Variants in PJA2 observed in about 807,000 individuals in gnomAD.
The protein encoded by PJA2 is E3 ubiquitin-protein ligase Praja-2.
In PJA2, 25 loss-of-function variants were observed where a neutral mutation model predicts 69.3. That is an observed-to-expected ratio of 0.36 (90% CI 0.26 to 0.50). The LOEUF is 0.50. Among genes scored for constraint, PJA2 ranks in the 20% least tolerant of loss-of-function variants. The pLI is 0.96. For synonymous variants in PJA2, 308 were observed against 277.8 expected (o/e 1.11, Z -1.08); for missense variants, 809 against 830.2 (o/e 0.97, Z 0.31).
intron 5 of PJA2, among the ~76,000 whole-genome samples, chr5:109,367,970 C>G (rs908510045): frequency 1.3e-5 from 2 of 152,306 alleles, no homozygotes; most frequent in African/African-American, 4.8e-5. Context: ...TCTATGGCTA[C>G]TTTTATACTG....
intron 5 of PJA2, among the ~76,000 whole-genome samples, chr5:109,366,599 A>G (rs1474255136): frequency 6.6e-6 from 1 of 152,146 alleles, no homozygotes; most frequent in Non-Finnish European, 1.5e-5. Context: ...TAATCATCAC[A>G]TGTGTAATGT....
At chr5:109,367,544 GAATA>G (rs1425421019) in intron 5 of PJA2, among the ~76,000 whole-genome samples, 1 of 146,420 alleles carries the variant, frequency 6.8e-6, no homozygotes, top group African/African-American at 2.5e-5. Context: ...AACTTTAAAG[GAATA>G]AATAAGCTAT....
At chr5:109,409,048 C>T (rs983518771) in intron 1 of PJA2, 14 of 152,078 alleles carry the variant, frequency 9.2e-5, no homozygotes, top group African/African-American at 2.9e-4. Context: ...AGATTACTCT[C>T]CTCCCTGCAA....
chr5:109,375,745 C>T (rs1324675815), intron 4 of PJA2, among the ~76,000 whole-genome samples: 1 of 152,078 alleles, frequency 6.6e-6, no homozygotes, highest in Non-Finnish European at 1.5e-5. Flanking sequence ...TCTACAAATA[C>T]AAGAACTAGG....
At chr5:109,372,905 CAAAAAAAAAAAAAAAAAAAAAGAAAGAAA>C (rs1762698442) in intron 4 of PJA2, among the ~76,000 whole-genome samples, 1 of 35,700 alleles carries the variant, frequency 2.8e-5, no homozygotes, top group Non-Finnish European at 5.8e-5. Context: ...CACTCCGTCT[CAAAAAAAAAAAAAAAAAAAAAGAAAGAAA>C]GAAAAAAAAA....
chr5:109,404,193 C>T (rs763890034), intron 1 of PJA2, among the ~76,000 whole-genome samples: 14 of 152,028 alleles, frequency 9.2e-5, no homozygotes, highest in Non-Finnish European at 1.6e-4. Flanking sequence ...CTATAACAAG[C>T]TCCCATAGAC....
At chr5:109,386,095 AC>A (rs1328992226) in intron 1 of PJA2, among the ~76,000 whole-genome samples, 1 of 151,198 alleles carries the variant, frequency 6.6e-6, no homozygotes, top group East Asian at 2.0e-4. Context: ...GCAAGCAATC[AC>A]CTGAGGTCAG....
rs540356291 is a variant in PJA2 at position 109,401,778 on chromosome 5, G to A, written c.-88+8064C>T. 2.6e-5 allele frequency among the ~76,000 whole-genome samples: 4 copies of A among 152,222 alleles called. No individual in the cohort carries two copies. The East Asian group carries it at 7.7e-4, about 29-fold the overall frequency. On this transcript the variant is annotated intron_variant, in intron 1 of 9. Transcript: ENST00000361189. ...CAGAAAGAATAAGCACTGGAAAAGAGGCCACTATAACACAGAAAATCAATT... is the reference window on the plus strand; with the variant it reads ...CAGAAAGAATAAGCACTGGAAAAGAAGCCACTATAACACAGAAAATCAATT...
At chr5:109,400,808 T>A (rs868217851) in intron 1 of PJA2, among the ~76,000 whole-genome samples, 6 of 151,380 alleles carry the variant, frequency 4.0e-5, no homozygotes, top group South Asian at 2.1e-4. Flanking sequence ...TGAAACCCCG[T>A]CTCTACTAAA....
chr5:109,394,111 A>C (rs1747350780), intron 1 of PJA2, among the ~76,000 whole-genome samples: 1 of 135,156 alleles, frequency 7.4e-6, no homozygotes, highest in Non-Finnish European at 1.5e-5. Flanking sequence ...GCAGTAGCGC[A>C]ATCTTGGCTC....
At position 109,381,677 on chromosome 5, in the gene PJA2, C is replaced by T. The variant is rs377546201; in HGVS notation, c.58G>A (p.Val20Ile). 3 of 1,613,754 alleles carry T rather than the reference C, an allele frequency of 1.9e-6. No homozygotes were observed. The highest frequency in any genetic ancestry group is 2.7e-5 in the African/African-American group (2 of 74,888). ...AAMDQESGKA[V>I]WPKPAGGYQT... The stretch of plus-strand genomic sequence containing the variant: ...TACCCTCCTGCTGGTTTGGGCCAGA[C>T]AGCCTTACCAGATTCTTGGTCCATT... Residue 20 changes from valine to isoleucine, a missense_variant, in exon 3 of 10, where the codon GTC (valine) becomes ATC (isoleucine). By Grantham distance (29) the Val-to-Ile change is conservative (BLOSUM62 3). Coordinates refer to ENST00000361189, the MANE Select transcript of PJA2 (RefSeq NM_014819.5).
intron 7 of PJA2, among the ~76,000 whole-genome samples, chr5:109,345,896 C>T (rs372723309): frequency 9.2e-5 from 14 of 152,344 alleles, no homozygotes; most frequent in African/African-American, 3.4e-4. Flanking sequence ...ATGTGATCAT[C>T]TGGGATGCGT....
Position 109,336,686 on chromosome 5 carries a change from G to T in PJA2, c.*545C>A, listed in dbSNP as rs968565476. 4 of 152,090 alleles carry T rather than the reference G, an allele frequency of 2.6e-5. No individual in the cohort carries two copies. The highest frequency in any genetic ancestry group is 4.8e-5 in the African/African-American group (2 of 41,398). The allele number at this position is 152,090 out of a possible 1,614,324, so 9.4% of individuals were successfully genotyped here. A position where few individuals can be genotyped will look rare whatever the true frequency, so the allele number is the denominator to read the frequency against. On this transcript the variant is annotated 3_prime_UTR_variant, in exon 10 of 10. Transcript: ENST00000361189. ...TGGCCAAAATTTTAGCCTTCATTTG[G>T]CATTCTGAAAAGTTCTAATTTTAAA...
At chr5:109,396,951 T>A (rs1266145005) in intron 1 of PJA2, among the ~76,000 whole-genome samples, 1 of 152,182 alleles carries the variant, frequency 6.6e-6, no homozygotes, top group Non-Finnish European at 1.5e-5. Context: ...ATGGTTTGAA[T>A]GTTTGTGCCA....
Position 109,372,916 on chromosome 5 carries a change from A to G in PJA2, c.1284-4170T>C, listed in dbSNP as rs900791789. 4.4e-3 allele frequency among the ~76,000 whole-genome samples: 606 copies of G among 138,610 alleles called. 18 individuals carry two copies. Among genetic ancestry groups the G allele is most frequent in the African/African-American group, 0.015 (576 of 38,034 alleles). 90.9% of individuals were successfully genotyped at this position (138,610 alleles called of 152,430 possible). On this transcript the variant is annotated intron_variant, in intron 4 of 9. Transcript: ENST00000361189. ...GCAACACTCCGTCTCAAAAAAAAAA[A>G]AAAAAAAAAAGAAAGAAAGAAAAAA...
rs1762524242 is a variant in PJA2 at position 109,362,886 on chromosome 5, G to A, written c.1606C>T (p.Leu536=). The part of the protein sequence containing the change: ...PAFMLDGNNN[L]EDDSSVSEDL... ...TCACTCACACTGGAGTCATCCTCCAGGTTATTGTTACCATCCAACATGAAA... is the reference window on the plus strand; with the variant it reads ...TCACTCACACTGGAGTCATCCTCCAAGTTATTGTTACCATCCAACATGAAA... The change falls in exon 6 of 10, where the codon CTG becomes TTG. Residue 536 remains leucine (L), a synonymous_variant. Coordinates refer to ENST00000361189, the MANE Select transcript of PJA2 (RefSeq NM_014819.5). 2 of 1,613,450 alleles carry A rather than the reference G, an allele frequency of 1.2e-6. No homozygotes were observed. The highest frequency in any genetic ancestry group is 1.1e-5 in the South Asian group (1 of 90,934).
At chr5:109,392,014 T>C (rs1747292192) in intron 1 of PJA2, among the ~76,000 whole-genome samples, 1 of 152,192 alleles carries the variant, frequency 6.6e-6, no homozygotes, top group Non-Finnish European at 1.5e-5. Context: ...TGAATTTCAA[T>C]TCTCCTTAAA....
chr5:109,395,075 C>A (rs1279626578), intron 1 of PJA2, among the ~76,000 whole-genome samples: 5 of 152,190 alleles, frequency 3.3e-5, no homozygotes, highest in Non-Finnish European at 7.3e-5. Context: ...AAGTACCCGG[C>A]AGAAGCAAAG....
chr5:109,366,762 T>A (rs1214543800), intron 5 of PJA2, among the ~76,000 whole-genome samples: 1 of 152,206 alleles, frequency 6.6e-6, no homozygotes, highest in Non-Finnish European at 1.5e-5. Flanking sequence ...GCTGAGTGAA[T>A]AACTGCTAAC....
Sources: gnomAD v4.1 joint callset for allele counts (sites outside exome capture counted in the v4.1 genomes callset) on GRCh38, gnomAD v4.1.1 for gene constraint, MANE v1.5 for transcripts, NCBI Gene and HGNC (gene_info 2026-07-23, HGNC 2026-07-21) for gene names.